Variants in NF2 observed in about 807,000 individuals in gnomAD.
The protein encoded by NF2 is merlin.
NF2 carries 8 observed loss-of-function variants against 83.7 expected under a neutral mutation model. The ratio of observed to expected loss-of-function variants is 0.10; its 90% CI spans 0.06 to 0.17. NF2 has a LOEUF of 0.17. Among genes scored for constraint, NF2 ranks in the 10% least tolerant of loss-of-function variants. The probability of loss-of-function intolerance (pLI) is 1.00; values close to 1 mark genes in which losing one functional copy is unlikely to be tolerated. For missense variants in NF2, 533 were observed against 744.4 expected, an observed-to-expected ratio of 0.72 and a Z score of 3.31; for synonymous variants, 266 against 269.6, an observed-to-expected ratio of 0.99 and a Z score of 0.13.
chr22:29,608,991 C>T (rs1007621762), intron 1 of NF2: 27 of 652,500 alleles, frequency 4.1e-5, no homozygotes, highest in South Asian at 3.5e-4. Context: ...ACTCTGGGGT[C>T]GATTATCTCC....
chr22:29,659,843 T>TG (rs1313951360), intron 7 of NF2, among the ~76,000 whole-genome samples: 2 of 152,228 alleles, frequency 1.3e-5, no homozygotes, highest in Non-Finnish European at 2.9e-5. Context: ...GCCTCACTTC[T>TG]ATTAATGCAG....
intron 2 of NF2, among the ~76,000 whole-genome samples, chr22:29,638,407 A>G (rs1411647296): frequency 6.6e-6 from 1 of 151,142 alleles, no homozygotes; most frequent in African/African-American, 2.4e-5. Context: ...CTGCAGTACA[A>G]TGACGCAGTC....
At chr22:29,686,640 A>G (rs2067277280) in intron 15 of NF2, among the ~76,000 whole-genome samples, 2 of 152,224 alleles carry the variant, frequency 1.3e-5, no homozygotes, top group South Asian at 4.1e-4. Context: ...ATTCCATCTC[A>G]TAAATAAATA....
intron 4 of NF2, among the ~76,000 whole-genome samples, chr22:29,645,348 T>C (rs1003050879): frequency 6.6e-6 from 1 of 152,138 alleles, no homozygotes; most frequent in African/African-American, 2.4e-5. Context: ...TCAGACAATC[T>C]TGGGCAAAGC....
At chr22:29,624,311 G>A (rs2065287286) in intron 1 of NF2, among the ~76,000 whole-genome samples, 1 of 152,092 alleles carries the variant, frequency 6.6e-6, no homozygotes, top group African/African-American at 2.4e-5. Flanking sequence ...GGGTTCAAGC[G>A]ATTCTCGTGC....
At position 29,661,225 on chromosome 22, in the gene NF2, G is replaced by A. The variant is rs1477658956; in HGVS notation, c.696G>A (p.Leu232=). ...FAIRNKKGTE[L]LLGVDALGLH... is the part of the protein sequence containing the mutation. ...CACAGAATAAAAAGGGCACAGAGCT[G>A]CTGCTTGGAGTGGATGCCCTGGGGC... The change falls in exon 8 of 16, where the codon CTG becomes CTA. Residue 232 remains leucine, a synonymous_variant. Transcript: ENST00000338641. The A allele has an allele frequency of 6.2e-7, 1 of 1,614,252 alleles. No homozygotes were observed. Among genetic ancestry groups the A allele is most frequent in the South Asian group, 1.1e-5 (1 of 91,086 alleles).
Position 29,619,647 on chromosome 22 carries a change from G to A in NF2, c.114+15535G>A, listed in dbSNP as rs573729475. ...CCTGACCTCATGATCTGCCTGGCTC[G>A]GCCTCCCAAAGTGCTGGGATTACAG... is the stretch of plus-strand genomic sequence containing the variant. On this transcript the variant is annotated intron_variant, in intron 1 of 15. Transcript: ENST00000338641. 8.6e-5 allele frequency among the ~76,000 whole-genome samples: 13 copies of A among 151,928 alleles called. No individual in the cohort carries two copies. In the South Asian group the frequency reaches 2.3e-3, roughly 27 times the overall value.
intron 8 of NF2, among the ~76,000 whole-genome samples, chr22:29,663,047 T>G (rs1464669746): frequency 6.6e-6 from 1 of 152,214 alleles, no homozygotes; most frequent in Non-Finnish European, 1.5e-5. Context: ...CAGCCATGCT[T>G]GATAAGACAG....
At chr22:29,613,500 C>T (rs1477368720) in intron 1 of NF2, among the ~76,000 whole-genome samples, 1 of 152,202 alleles carries the variant, frequency 6.6e-6, no homozygotes, top group East Asian at 1.9e-4. Flanking sequence ...TATTGCACTC[C>T]AGCCTGGGGG....
rs780430071 is a variant in NF2 at position 29,671,844 on chromosome 22, G to A, written c.1018G>A (p.Ala340Thr). The change falls in exon 11 of 16, where the codon GCT becomes ACT. Residue 340 changes from alanine to threonine, a missense_variant. Ala to Thr is a moderately conservative substitution (Grantham distance 58, BLOSUM62 0). Coordinates refer to ENST00000338641, the MANE Select transcript of NF2 (RefSeq NM_000268.4). ...CTCGCAGATGGAGCGGCAGCGCCTCGCTCGAGAGAAGCAGATGAGGGAGGA... is the reference window on the plus strand; with the variant it reads ...CTCGCAGATGGAGCGGCAGCGCCTCACTCGAGAGAAGCAGATGAGGGAGGA... ...ARKQMERQRL[A>T]REKQMREEAE... 54 of 1,613,894 alleles carry A rather than the reference G, an allele frequency of 3.3e-5. No homozygotes were observed. The highest frequency in any genetic ancestry group is 7.7e-5 in the South Asian group (7 of 91,076).
intron 4 of NF2, among the ~76,000 whole-genome samples, chr22:29,644,123 AT>A (rs1176050824): frequency 6.7e-6 from 1 of 149,568 alleles, no homozygotes; most frequent in Admixed American, 6.6e-5. Flanking sequence ...CACTTCTCAT[AT>A]GGGGCGGCTG....
intron 1 of NF2, chr22:29,608,922 G>T: frequency 1.8e-6 from 1 of 558,088 alleles, no homozygotes; most frequent in Non-Finnish European, 3.3e-6. Context: ...TGCAAGATTG[G>T]CCTGTCCATC....
chr22:29,642,103 C>A, intron 3 of NF2, 99 bp from the exon 4 acceptor site: 1 of 963,552 alleles, frequency 1.0e-6, no homozygotes, highest in Non-Finnish European at 1.7e-6. Context: ...GCTGCTCTGG[C>A]AGCCCTCATT....
At chr22:29,634,288 A>G (rs1320814474) in intron 1 of NF2, among the ~76,000 whole-genome samples, 1 of 152,234 alleles carries the variant, frequency 6.6e-6, no homozygotes, top group Non-Finnish European at 1.5e-5. Context: ...TAAGTAGGGC[A>G]TTCTGAATTG....
intron 1 of NF2, among the ~76,000 whole-genome samples, chr22:29,608,356 G>A (rs2064860343): frequency 6.7e-6 from 1 of 148,258 alleles, no homozygotes; most frequent in Admixed American, 6.7e-5. Flanking sequence ...TCGGCTCACT[G>A]CAACCTCTGC....
intron 3 of NF2, among the ~76,000 whole-genome samples, chr22:29,639,576 A>T (rs2065745155): frequency 6.6e-6 from 1 of 152,198 alleles, no homozygotes; most frequent in South Asian, 2.1e-4. Context: ...CCAAAAGTTT[A>T]AAATCTGCTC....
At chr22:29,657,029 T>C (rs1301901370) in intron 6 of NF2, among the ~76,000 whole-genome samples, 2 of 151,890 alleles carry the variant, frequency 1.3e-5, no homozygotes, top group Non-Finnish European at 2.9e-5. Context: ...CTTTTTTTTT[T>C]AAACTTAAGT....
rs952523049 is a variant in NF2 at position 29,673,343 on chromosome 22, C to T, written c.1197C>T (p.Ala399=). The T allele has an allele frequency of 6.2e-7, 1 of 1,604,342 alleles. No individual in the cohort carries two copies. Among genetic ancestry groups the T allele is most frequent in the Non-Finnish European group, 8.5e-7 (1 of 1,176,256 alleles). Residue 399 remains alanine (A), a synonymous_variant, in exon 12 of 16, where the codon GCC becomes GCT. Transcript: ENST00000338641. ...CCGAGGAGGAGGCAAAACTTCTGGC[C>T]CAGAAGGCCGCAGAGGCTGAGCAGG... ...QITEEEAKLL[A]QKAAEAEQEM... is the part of the protein sequence containing the mutation.
Position 29,641,628 on chromosome 22 carries a change from G to T in NF2, c.364-574G>T, listed in dbSNP as rs371069421. 6.6e-5 allele frequency among the ~76,000 whole-genome samples: 10 copies of T among 152,332 alleles called. No individual in the cohort carries two copies. The East Asian group carries it at 1.3e-3, about 21-fold the overall frequency. On this transcript the variant is annotated intron_variant, in intron 3 of 15. Coordinates refer to ENST00000338641, the MANE Select transcript of NF2 (RefSeq NM_000268.4). ...CCATTCTAAGAAAATTAAGTGCAAT[G>T]AAATATGTTAATTCAACATTATGGC...
Sources: allele counts gnomAD v4.1 joint callset (sites outside exome capture counted in the v4.1 genomes callset), GRCh38; gene constraint gnomAD v4.1.1; transcripts MANE v1.5; gene names NCBI Gene and HGNC (gene_info 2026-07-23, HGNC 2026-07-21).